Variants in LARGE1 observed in about 807,000 individuals in gnomAD.
LARGE1 encodes LARGE xylosyl- and glucuronyltransferase 1, also known as xylosyl- and glucuronyltransferase LARGE1.
LARGE1 carries 43 observed loss-of-function variants against 87.6 expected under a neutral mutation model. That is an observed-to-expected ratio of 0.49 (90% confidence interval 0.38 to 0.63). The LOEUF is 0.63. Among genes scored for constraint, LARGE1 ranks in the 30% least tolerant of loss-of-function variants. The pLI, the probability that LARGE1 is intolerant of heterozygous loss-of-function variation, is 0.00. For missense variants in LARGE1, 802 were observed against 1,000.2 expected, an observed-to-expected ratio of 0.80 and a Z score of 2.67; for synonymous variants, 434 against 394.6, an observed-to-expected ratio of 1.10 and a Z score of -1.18.
intron 11 of LARGE1, among the ~76,000 whole-genome samples, chr22:33,238,115 A>C (rs772596300): frequency 1.2e-4 from 19 of 152,222 alleles, no homozygotes; most frequent in Non-Finnish European, 2.1e-4. Context: ...GGAAACAACA[A>C]CCAAAAAAGC....
intron 11 of LARGE1, among the ~76,000 whole-genome samples, chr22:33,209,112 G>A (rs191940955): frequency 1.3e-5 from 2 of 152,282 alleles, no homozygotes; most frequent in African/African-American, 4.8e-5. Flanking sequence ...GGGTCAAATG[G>A]CATTTCTGGT....
chr22:33,685,743 A>G (rs1435268900), intron 2 of LARGE1, among the ~76,000 whole-genome samples: 5 of 152,234 alleles, frequency 3.3e-5, no homozygotes, highest in African/African-American at 4.8e-5. Flanking sequence ...CATCTAAACA[A>G]TGTTCCCACT....
At chr22:33,214,671 C>G (rs1376394928) in intron 11 of LARGE1, among the ~76,000 whole-genome samples, 1 of 152,146 alleles carries the variant, frequency 6.6e-6, no homozygotes, top group Non-Finnish European at 1.5e-5. Context: ...TCTTTAATCT[C>G]ATACCTACTT....
chr22:33,578,811 T>G (rs1465452562), intron 5 of LARGE1, among the ~76,000 whole-genome samples: 1 of 152,156 alleles, frequency 6.6e-6, no homozygotes, highest in Admixed American at 6.5e-5. Flanking sequence ...CAAAATTAAT[T>G]GTACTCAGAA....
chr22:33,189,542 A>T (rs1443453109), intron 11 of LARGE1, among the ~76,000 whole-genome samples: 4 of 152,190 alleles, frequency 2.6e-5, no homozygotes, highest in African/African-American at 9.6e-5. Context: ...GAAAGAAGGG[A>T]TAACCACATG....
At chr22:33,421,327 C>T (rs889530788) in intron 7 of LARGE1, among the ~76,000 whole-genome samples, 2 of 152,224 alleles carry the variant, frequency 1.3e-5, no homozygotes, top group African/African-American at 4.8e-5. Flanking sequence ...AACTCCTTTT[C>T]TCCTGAAGGC....
At chr22:33,223,070 C>T (rs1028093471) in intron 11 of LARGE1, among the ~76,000 whole-genome samples, 2 of 152,182 alleles carry the variant, frequency 1.3e-5, no homozygotes, top group Admixed American at 1.3e-4. Flanking sequence ...GATGAATAAA[C>T]GTGCCTTATT....
At chr22:33,913,597 G>A (rs2065699640) in intron 1 of LARGE1, among the ~76,000 whole-genome samples, 1 of 152,188 alleles carries the variant, frequency 6.6e-6, no homozygotes, top group South Asian at 2.1e-4. Context: ...AGGCTGGAGT[G>A]CAGTGGCGGC....
At chr22:33,339,360 G>T (rs8135785) in intron 9 of LARGE1, among the ~76,000 whole-genome samples, 1,960 of 151,920 alleles carry the variant, frequency 0.013, 44 homozygotes, top group African/African-American at 0.044. Context: ...AAAGATATGG[G>T]GTCTTTCCGC....
At chr22:33,669,066 G>A (rs974395457) in intron 2 of LARGE1, among the ~76,000 whole-genome samples, 2 of 152,228 alleles carry the variant, frequency 1.3e-5, no homozygotes, top group African/African-American at 2.4e-5. Flanking sequence ...TAGAGTGGCA[G>A]CAGAGTGGAG....
chr22:33,860,130 A>G (rs555054736), intron 1 of LARGE1, among the ~76,000 whole-genome samples: 1 of 152,100 alleles, frequency 6.6e-6, no homozygotes, highest in African/African-American at 2.4e-5. Flanking sequence ...TTTTACAATT[A>G]AAAAATTTTA....
chr22:33,114,472 A>T, the LARGE1 span, among the ~76,000 whole-genome samples: 9 of 152,212 alleles, frequency 5.9e-5, no homozygotes, highest in Non-Finnish European at 1.0e-4. Flanking sequence ...GCTTATGCCC[A>T]TGTTTAGTTA....
Position 33,650,523 on chromosome 22 carries a change from G to A in LARGE1, c.252C>T (p.Ser84=), listed in dbSNP as rs56202589. 48 of 1,612,398 alleles carry A rather than the reference G, an allele frequency of 3.0e-5. No homozygotes were observed. The highest frequency in any genetic ancestry group is 3.9e-5 in the Non-Finnish European group (46 of 1,180,008). ...EENRALRRQL[S]LAQGRAPSHR... ...GGGATGGGGCTCGGCCCTGGGCCAG[G>A]CTGAGCTGCCTGCGGAGGGCGCGGT... is the stretch of plus-strand genomic sequence containing the variant. Residue 84 remains serine, a synonymous_variant, in exon 3 of 15, where the codon AGC becomes AGT. Transcript: ENST00000397394.
At chr22:33,859,393 A>C (rs1475587223) in intron 1 of LARGE1, among the ~76,000 whole-genome samples, 1 of 152,238 alleles carries the variant, frequency 6.6e-6, no homozygotes, top group Non-Finnish European at 1.5e-5. Context: ...CAACAGATAC[A>C]AACAAAAAGC....
chr22:33,821,174 G>A (rs1347645237), intron 1 of LARGE1, among the ~76,000 whole-genome samples: 1 of 152,196 alleles, frequency 6.6e-6, no homozygotes, highest in Non-Finnish European at 1.5e-5. Context: ...GACAAAGGCA[G>A]AGAGGGCATT....
chr22:33,316,297 G>C (rs1158832520), intron 10 of LARGE1, 49 bp from the exon 11 acceptor site: 6 of 1,595,598 alleles, frequency 3.8e-6, no homozygotes, highest in Non-Finnish European at 5.1e-6. Flanking sequence ...AGGTCCGAGG[G>C]GGCCCATGAG....
At chr22:33,573,953 T>C (rs1053101719) in intron 5 of LARGE1, among the ~76,000 whole-genome samples, 8 of 151,984 alleles carry the variant, frequency 5.3e-5, no homozygotes, top group African/African-American at 1.9e-4. Context: ...CCAAAGTGAG[T>C]GGTCCCAAAG....
intron 5 of LARGE1, among the ~76,000 whole-genome samples, chr22:33,575,663 A>G (rs2078331287): frequency 6.6e-6 from 1 of 152,244 alleles, no homozygotes; most frequent in Admixed American, 6.5e-5. Flanking sequence ...ATACAACCCT[A>G]GCCCAAAATA....
chr22:33,834,605 G>A (rs377000343), intron 1 of LARGE1, among the ~76,000 whole-genome samples: 11 of 152,230 alleles, frequency 7.2e-5, no homozygotes, highest in South Asian at 2.1e-4. Context: ...GACTCAGCCC[G>A]CCTGCACCCA....
Sources: gnomAD v4.1 joint callset for allele counts (sites outside exome capture counted in the v4.1 genomes callset) on GRCh38, gnomAD v4.1.1 for gene constraint, MANE v1.5 for transcripts, NCBI Gene and HGNC (gene_info 2026-07-23, HGNC 2026-07-21) for gene names.